RARB: variants seen among roughly 807,000 people sequenced by gnomAD.
RARB encodes the protein HBV-activated protein.
Under a neutral mutation model 51.9 loss-of-function variants are expected in RARB, and 17 were observed. The ratio of observed to expected loss-of-function variants is 0.33; its 90% CI spans 0.22 to 0.49. The LOEUF (loss-of-function observed/expected upper bound fraction) is 0.49, where lower values mean the gene tolerates loss of function less well. RARB is among the 20% of genes least tolerant of loss of function. The probability of loss-of-function intolerance (pLI) is 0.99; values close to 1 mark genes in which losing one functional copy is unlikely to be tolerated. For synonymous variants in RARB, 215 were observed against 195.4 expected (o/e 1.10, Z -0.84); for missense variants, 369 against 550.8 (o/e 0.67, Z 3.30).
intron 2 of RARB, among the ~76,000 whole-genome samples, chr3:24,997,895 C>G (rs1343627400): frequency 6.6e-6 from 1 of 152,032 alleles, no homozygotes; most frequent in Non-Finnish European, 1.5e-5. Flanking sequence ...CTTATTTTTA[C>G]TTAGAATCTG....
chr3:25,593,706 A>G lies in RARB; in HGVS notation c.990A>G (p.Gly330=). The change falls in exon 6 of 8, where the codon GGA becomes GGG. Residue 330 remains glycine (G), a splice_region_variant and synonymous_variant. Coordinates refer to ENST00000330688, the MANE Select transcript of RARB (RefSeq NM_000965.5). ...TCAGTGCCATCTGCTTAATCTGTGGAGGTACCAACTATGTAGAAAAGCCTC... is the reference window on the plus strand; with the variant it reads ...TCAGTGCCATCTGCTTAATCTGTGGGGGTACCAACTATGTAGAAAAGCCTC... ...GLLSAICLIC[G]DRQDLEEPTK... 6.2e-7 allele frequency: 1 copy of G among 1,612,950 alleles called. No individual in the cohort carries two copies. Among genetic ancestry groups the G allele is most frequent in the Non-Finnish European group, 8.5e-7 (1 of 1,178,970 alleles).
At chr3:25,222,024 A>C (rs778713910) in intron 5 of RARB, among the ~76,000 whole-genome samples, 1 of 152,188 alleles carries the variant, frequency 6.6e-6, no homozygotes, top group Non-Finnish European at 1.5e-5. Flanking sequence ...CCCTCCTTTC[A>C]TGGGAGCGTA....
At chr3:25,240,925 T>C (rs545936269) in intron 5 of RARB, among the ~76,000 whole-genome samples, 16 of 152,312 alleles carry the variant, frequency 1.1e-4, no homozygotes, top group African/African-American at 3.8e-4. Flanking sequence ...TTTGGAAGTT[T>C]GGTAGAATTT....
At chr3:25,470,719 A>G (rs1024680800) in intron 2 of RARB, among the ~76,000 whole-genome samples, 1 of 152,254 alleles carries the variant, frequency 6.6e-6, no homozygotes, top group Non-Finnish European at 1.5e-5. Flanking sequence ...CCATTTCCTC[A>G]GAGAAGCCTT....
At chr3:24,983,723 G>T (rs971386868) in intron 2 of RARB, among the ~76,000 whole-genome samples, 1 of 151,970 alleles carries the variant, frequency 6.6e-6, no homozygotes, top group Non-Finnish European at 1.5e-5. Context: ...AGAAAAAAAT[G>T]GCCCTTTGGT....
intron 5 of RARB, among the ~76,000 whole-genome samples, chr3:25,338,987 T>C (rs1052124485): frequency 2.6e-5 from 4 of 152,142 alleles, no homozygotes; most frequent in African/African-American, 9.7e-5. Flanking sequence ...TTCCATATAA[T>C]AAATATTTGA....
chr3:25,474,740 TTAAG>T (rs1306579046), intron 2 of RARB, among the ~76,000 whole-genome samples: 1 of 152,200 alleles, frequency 6.6e-6, no homozygotes, highest in Non-Finnish European at 1.5e-5. Flanking sequence ...GTATCAGAAA[TTAAG>T]TGATTCTGCT....
At chr3:25,378,931 C>T (rs1706546676) in intron 5 of RARB, among the ~76,000 whole-genome samples, 1 of 152,140 alleles carries the variant, frequency 6.6e-6, no homozygotes, top group South Asian at 2.1e-4. Context: ...GAGATGAATG[C>T]CAGAGCTATT....
At chr3:25,176,698 C>G (rs1286247774) in intron 5 of RARB, among the ~76,000 whole-genome samples, 2 of 151,892 alleles carry the variant, frequency 1.3e-5, no homozygotes, top group African/African-American at 2.4e-5. Flanking sequence ...CCGGTCTTGG[C>G]TACTACTGAT....
chr3:25,115,113 T>A (rs1031053616), intron 3 of RARB, among the ~76,000 whole-genome samples: 20 of 152,162 alleles, frequency 1.3e-4, no homozygotes, highest in Admixed American at 1.3e-3. Context: ...ATCCAATGCA[T>A]TGGCTTCATC....
At chr3:25,502,724 C>G (rs140320368) in intron 3 of RARB, among the ~76,000 whole-genome samples, 1 of 152,206 alleles carries the variant, frequency 6.6e-6, no homozygotes, top group Non-Finnish European at 1.5e-5. Flanking sequence ...GACAGGAGTA[C>G]CCTTCCCTCC....
rs74915099 is a variant in RARB, at chr3:25,530,361, C to T, written c.448+29038C>T. Among the ~76,000 whole-genome samples the T allele has an allele frequency of 5.3e-5, 8 of 152,284 alleles. No individual in the cohort carries two copies. The East Asian group carries it at 5.8e-4, about 11-fold the overall frequency. ...TCCTATTACTGTGGTAACAAATTAC[C>T]GCACATTTAGCGGCTTGAACTAACA... On this transcript the variant is annotated intron_variant, in intron 3 of 7. Coordinates refer to ENST00000330688, the MANE Select transcript of RARB (RefSeq NM_000965.5).
At chr3:24,873,475 G>T (rs115565688) in intron 2 of RARB, among the ~76,000 whole-genome samples, 1 of 151,590 alleles carries the variant, frequency 6.6e-6, no homozygotes, top group African/African-American at 2.4e-5. Flanking sequence ...TTCCATTCTT[G>T]TTTCTTAGTT....
chr3:25,529,838 T>G (rs1428189136), intron 3 of RARB, among the ~76,000 whole-genome samples: 1 of 152,234 alleles, frequency 6.6e-6, no homozygotes, highest in African/African-American at 2.4e-5. Flanking sequence ...ATTTATTATA[T>G]ATTTTTATAT....
intron 2 of RARB, among the ~76,000 whole-genome samples, chr3:24,957,485 T>C (rs946393506): frequency 2.0e-5 from 3 of 152,196 alleles, no homozygotes; most frequent in African/African-American, 7.2e-5. Flanking sequence ...ACTGTTCTTT[T>C]GGGAGAGTGA....
chr3:24,930,133 C>T (rs1032658622), intron 2 of RARB, among the ~76,000 whole-genome samples: 3 of 152,018 alleles, frequency 2.0e-5, no homozygotes, highest in Non-Finnish European at 2.9e-5. Context: ...AACATTCTAA[C>T]ACACAAAGTA....
intron 2 of RARB, among the ~76,000 whole-genome samples, chr3:24,998,534 C>T (rs772364283): frequency 2.0e-5 from 3 of 151,524 alleles, no homozygotes; most frequent in Non-Finnish European, 4.4e-5. Flanking sequence ...TTTTTGCGTT[C>T]AGAACAGCTG....
chr3:25,149,978 G>A (rs1322657168), intron 4 of RARB, among the ~76,000 whole-genome samples: 1 of 152,052 alleles, frequency 6.6e-6, no homozygotes, highest in Non-Finnish European at 1.5e-5. Context: ...GAGGTAGGTG[G>A]ATCACCTGAG....
intron 5 of RARB, among the ~76,000 whole-genome samples, chr3:25,269,734 C>T (rs528632233): frequency 6.6e-6 from 1 of 152,204 alleles, no homozygotes; most frequent in South Asian, 2.1e-4. Context: ...GCTGTTATAT[C>T]CTAAAACATC....
Sources: allele counts gnomAD v4.1 joint callset (sites outside exome capture counted in the v4.1 genomes callset), GRCh38; gene constraint gnomAD v4.1.1; transcripts MANE v1.5; gene names NCBI Gene and HGNC (gene_info 2026-07-23, HGNC 2026-07-21).